UNC80: variants seen among roughly 807,000 people sequenced by gnomAD.
The protein encoded by UNC80 is protein unc-80 homolog.
Under a neutral mutation model 384.6 loss-of-function variants are expected in UNC80, and 164 were observed. The observed-to-expected ratio is 0.43, with a 90% CI of 0.38 to 0.49. UNC80 has a LOEUF of 0.49. UNC80 is among the 20% of genes least tolerant of loss of function. The probability of loss-of-function intolerance (pLI) is 0.00; values close to 1 mark genes in which losing one functional copy is unlikely to be tolerated. For missense variants in UNC80, 3,330 were observed against 4,143.0 expected (o/e 0.80, Z 5.39); for synonymous variants, 1,486 against 1,527.8 (o/e 0.97, Z 0.64).
intron 22 of UNC80, chr2:209,869,111 G>A (rs7593426): frequency 0.17 from 26,506 of 152,012 alleles, 3,200 homozygotes; most frequent in African/African-American, 0.34. Context: ...TCAGCTATGC[G>A]GCATTCTTCT....
intron 8 of UNC80, among the ~76,000 whole-genome samples, chr2:209,814,188 G>A (rs1314558698): frequency 1.3e-5 from 2 of 151,620 alleles, no homozygotes. Context: ...TGTAACATAG[G>A]ATTTTACTAA....
intron 31 of UNC80, among the ~76,000 whole-genome samples, chr2:209,915,180 G>A (rs540459887): frequency 3.6e-4 from 55 of 151,920 alleles, no homozygotes; most frequent in Middle Eastern, 3.4e-3. Flanking sequence ...CGAGGCGGGC[G>A]GATCACGAGG....
At chr2:209,947,139 A>G (rs980651987) in intron 47 of UNC80, among the ~76,000 whole-genome samples, 8 of 152,138 alleles carry the variant, frequency 5.3e-5, no homozygotes, top group Admixed American at 1.3e-4. Flanking sequence ...TGCTGTTCCT[A>G]TAATACCACT....
chr2:209,825,068 A>T (rs767336611), intron 13 of UNC80, among the ~76,000 whole-genome samples: 1 of 152,178 alleles, frequency 6.6e-6, no homozygotes, highest in Non-Finnish European at 1.5e-5. Context: ...CAGACACTGG[A>T]ATCCCAGGTT....
chr2:209,925,698 G>A (rs569751733), intron 35 of UNC80, among the ~76,000 whole-genome samples: 30 of 152,040 alleles, frequency 2.0e-4, no homozygotes, highest in African/African-American at 6.3e-4. Flanking sequence ...CAGAGTGCTG[G>A]TTGGTGCATT....
chr2:209,908,600 G>C (rs899662234), intron 29 of UNC80, among the ~76,000 whole-genome samples: 4 of 152,168 alleles, frequency 2.6e-5, no homozygotes, highest in Non-Finnish European at 5.9e-5. Flanking sequence ...CCAAAAAGGA[G>C]AGAGGAACAA....
At chr2:209,912,409 TTA>T in intron 29 of UNC80, 149 bp from the exon 30 acceptor site, 3 of 459,564 alleles carry the variant, frequency 6.5e-6, no homozygotes, top group Non-Finnish European at 1.1e-5. Context: ...TAAACTGCTT[TTA>T]TAAATTTTAG....
chr2:209,956,646 T>G (rs1158121748), intron 48 of UNC80, among the ~76,000 whole-genome samples: 1 of 152,194 alleles, frequency 6.6e-6, no homozygotes, highest in African/African-American at 2.4e-5. Flanking sequence ...TAGTTACATA[T>G]GTATACATGT....
intron 7 of UNC80, chr2:209,808,972 G>C: frequency 3.2e-6 from 1 of 316,842 alleles, no homozygotes; most frequent in Non-Finnish European, 6.1e-6. Flanking sequence ...CGCCTTCCTG[G>C]CGCTCCAAGC....
intron 51 of UNC80, among the ~76,000 whole-genome samples, chr2:209,965,238 A>C (rs563684059): frequency 6.6e-6 from 1 of 152,072 alleles, no homozygotes; most frequent in East Asian, 1.9e-4. Context: ...GGAGCTCAAA[A>C]CCAGCCTGGG....
At chr2:209,832,208 A>G (rs1436344350) in intron 16 of UNC80, among the ~76,000 whole-genome samples, 2 of 152,096 alleles carry the variant, frequency 1.3e-5, no homozygotes, top group African/African-American at 4.8e-5. Flanking sequence ...AGTTCAGTGT[A>G]TACTGCTTGG....
chr2:209,826,689 T>C (rs1559154039), intron 14 of UNC80, among the ~76,000 whole-genome samples: 1 of 152,190 alleles, frequency 6.6e-6, no homozygotes, highest in African/African-American at 2.4e-5. Context: ...CTCATTTTTA[T>C]TTGCCTCTGC....
intron 50 of UNC80, 70 bp from the exon 51 acceptor site, chr2:209,959,419 A>G (rs1263206154): frequency 7.0e-7 from 1 of 1,429,416 alleles, no homozygotes; most frequent in Non-Finnish European, 9.6e-7. Context: ...CTTCAGTGTG[A>G]TACCCTCTTC....
At chr2:209,887,012 C>T (rs1262227730) in intron 25 of UNC80, among the ~76,000 whole-genome samples, 1 of 151,956 alleles carries the variant, frequency 6.6e-6, no homozygotes, top group African/African-American at 2.4e-5. Context: ...GCTTATAGCC[C>T]TTTCCTTCGT....
At chr2:209,980,366 G>GAAAGA (rs1293261285) in intron 59 of UNC80, among the ~76,000 whole-genome samples, 1 of 152,120 alleles carries the variant, frequency 6.6e-6, no homozygotes, top group Non-Finnish European at 1.5e-5. Flanking sequence ...AAGGAGCAAG[G>GAAAGA]AAAGAAAAGT....
rs754914625 is a variant in UNC80 at position 209,789,517 on chromosome 2, C to A, written c.725-15C>A. 2 of 1,599,788 alleles carry A rather than the reference C, an allele frequency of 1.3e-6. No homozygotes were observed. The highest frequency in any genetic ancestry group is 2.2e-5 in the East Asian group (1 of 44,760). ...AAAACCTTACAAAACGATGGAACTT[C>A]TTCCGTCTTTTCAGCTAAGAGAAGT... On this transcript the variant is annotated splice_polypyrimidine_tract_variant and intron_variant, in intron 5 of 64. Coordinates refer to ENST00000673920, the MANE Select transcript of UNC80 (RefSeq NM_001371986.1).
chr2:209,781,718 CT>C (rs2077162727), intron 4 of UNC80, among the ~76,000 whole-genome samples: 1 of 152,190 alleles, frequency 6.6e-6, no homozygotes, highest in Non-Finnish European at 1.5e-5. Context: ...GCTAGGAAGA[CT>C]TCCTCTGACT....
intron 25 of UNC80, among the ~76,000 whole-genome samples, chr2:209,886,272 A>G (rs2085797235): frequency 6.6e-6 from 1 of 151,818 alleles, no homozygotes; most frequent in South Asian, 2.1e-4. Flanking sequence ...AGTGCTTTAT[A>G]AGTTAATAAT....
intron 7 of UNC80, among the ~76,000 whole-genome samples, chr2:209,810,643 A>G (rs756241444): frequency 6.6e-6 from 1 of 152,114 alleles, no homozygotes; most frequent in Non-Finnish European, 1.5e-5. Context: ...ATTTGAAGTA[A>G]TTTATGGAAC....
Sources: gnomAD v4.1 joint callset for allele counts (sites outside exome capture counted in the v4.1 genomes callset) on GRCh38, gnomAD v4.1.1 for gene constraint, MANE v1.5 for transcripts, NCBI Gene and HGNC (gene_info 2026-07-23, HGNC 2026-07-21) for gene names.